The following LMTK3 variants were observed in gnomAD, a reference collection of about 807,000 sequenced individuals.
The protein encoded by LMTK3 is lemur tail kinase 3, also known as serine/threonine-protein kinase LMTK3.
Under a neutral mutation model 116.7 loss-of-function variants are expected in LMTK3, and 27 were observed. The observed-to-expected ratio is 0.23, with a 90% CI of 0.17 to 0.32. The LOEUF is 0.32. Among genes scored for constraint, LMTK3 ranks in the 10% least tolerant of loss-of-function variants. The pLI is 1.00. For synonymous variants in LMTK3, 965 were observed against 971.0 expected (o/e 0.99, Z 0.11); for missense variants, 1,764 against 2,068.5 (o/e 0.85, Z 2.86).
chr19:48,505,233 C>T (rs906470369), intron 5 of LMTK3, among the ~76,000 whole-genome samples: 1 of 149,718 alleles, frequency 6.7e-6, no homozygotes, highest in Non-Finnish European at 1.5e-5. Context: ...CCTGCCTCAT[C>T]CTCCTGAGTA....
At position 48,500,339 on chromosome 19, in the gene LMTK3, G is replaced by A. The variant is rs766413323; in HGVS notation, c.1152-422C>T. On this transcript the variant is annotated intron_variant, in intron 10 of 14. Transcript: ENST00000600059. This position sits in a 1 kb window ranked among gnomAD's most constrained non-coding sequence, Gnocchi z 4.0. ...CCTGGGAGGCTGAGGCAGGAGAACC[G>A]CTTGAACCCGGGAGGCGGAGGTTGC... Among the ~76,000 whole-genome samples, 7 of 152,152 alleles carry A rather than the reference G, an allele frequency of 4.6e-5. No individual in the cohort carries two copies. The highest frequency in any genetic ancestry group is 2.6e-4 in the Admixed American group (4 of 15,276).
At chr19:48,511,346 C>G (rs1008149828) in intron 1 of LMTK3, among the ~76,000 whole-genome samples, 155 bp downstream of exon 1, 2 of 151,566 alleles carry the variant, frequency 1.3e-5, no homozygotes, top group Admixed American at 1.3e-4. Context: ...GCCCTGCTGA[C>G]AGAGGCACCG....
chr19:48,506,270 AAAGT>A lies in LMTK3; in HGVS notation c.557+2577_557+2580del, dbSNP rs200306125. ...GAAGTGAGCCTTGAAAAAAAAAAAA[AAAGT>A]ATTTATTTATCTATTGTGTGTCTTC... On this transcript the variant is annotated intron_variant, in intron 5 of 14. Transcript: ENST00000600059. 7.5e-3 allele frequency among the ~76,000 whole-genome samples: 1,141 copies of A among 152,004 alleles called. 25 individuals carry two copies. The highest frequency in any genetic ancestry group is 3.8e-3 in the Non-Finnish European group (261 of 67,984).
At chr19:48,501,697 T>C in intron 7 of LMTK3, 135 bp from the exon 8 acceptor site, 1 of 876,526 alleles carries the variant, frequency 1.1e-6, no homozygotes, top group Non-Finnish European at 1.8e-6. Flanking sequence ...CTCTGATCTG[T>C]CTCTCCCCTC....
Position 48,493,952 on chromosome 19 carries a change from C to G in LMTK3, c.3834G>C (p.Gly1278=). 9.6e-7 allele frequency: 1 copy of G among 1,041,232 alleles called. No homozygotes were observed. The highest frequency in any genetic ancestry group is 1.7e-5 in the African/African-American group (1 of 58,000). 64.5% of individuals were successfully genotyped at this position (1,041,232 alleles called of 1,614,324 possible). The change falls in exon 12 of 15, where the codon GGG becomes GGC. Residue 1278 remains glycine (G), a synonymous_variant. Transcript: ENST00000600059. The part of the protein sequence containing the change: ...AGAPGPAEED[G]EDEDEDEEED... ...CCTCCTCGTCCTCGTCCTCGTCCTCCCCGTCCTCCTCCGCCGGCCCCGGCG... is the reference window on the plus strand; with the variant it reads ...CCTCCTCGTCCTCGTCCTCGTCCTCGCCGTCCTCCTCCGCCGGCCCCGGCG...
intron 12 of LMTK3, among the ~76,000 whole-genome samples, chr19:48,493,151 C>T (rs1042837562): frequency 6.6e-6 from 1 of 151,510 alleles, no homozygotes; most frequent in Non-Finnish European, 1.5e-5. Context: ...GGCCCGGATC[C>T]AGACTCTGTC....
intron 5 of LMTK3, among the ~76,000 whole-genome samples, chr19:48,503,750 C>CA (rs888896471): frequency 7.9e-5 from 12 of 152,154 alleles, no homozygotes; most frequent in Admixed American, 3.9e-4. Context: ...CCCAAACCTG[C>CA]AGGCCCTTGC....
At chr19:48,505,542 T>G (rs1208704834) in intron 5 of LMTK3, among the ~76,000 whole-genome samples, 1 of 152,012 alleles carries the variant, frequency 6.6e-6, no homozygotes, top group African/African-American at 2.4e-5. Context: ...TGGAGCAGCA[T>G]AGTGAAACTC....
chr19:48,498,974 C>G lies in LMTK3; in HGVS notation c.2095G>C (p.Gly699Arg). The change falls in exon 11 of 15, where the codon GGC (glycine) becomes CGC (arginine). Residue 699 changes from glycine to arginine, a missense_variant. Gly to Arg is a moderately radical substitution (Grantham distance 125). This residue lies in a region of LMTK3 where 1,028 missense variants were observed against 1,050.6 expected (regional missense o/e 0.98). Coordinates refer to ENST00000600059, the MANE Select transcript of LMTK3 (RefSeq NM_001388485.1). ...TCGTCCTCGGGGGGGTGGGGGCAGC[C>G]AAGAGCAGGGTGGCCTCCCCAGCCT... ...VAGWGGHPAL[G>R]CPHPPEDDSS... 3 of 1,357,216 alleles carry G rather than the reference C, an allele frequency of 2.2e-6. No homozygotes were observed. The highest frequency in any genetic ancestry group is 9.5e-7 in the Non-Finnish European group (1 of 1,056,486). The allele number at this position is 1,357,216 out of a possible 1,614,324, so 84.1% of individuals were successfully genotyped here.
chr19:48,498,828 C>T lies in LMTK3; in HGVS notation c.2241G>A (p.Arg747=). The T allele has an allele frequency of 7.9e-7, 1 of 1,268,930 alleles. No individual in the cohort carries two copies. The highest frequency in any genetic ancestry group is 1.0e-6 in the Non-Finnish European group (1 of 988,568). 78.6% of individuals were successfully genotyped at this position (1,268,930 alleles called of 1,614,324 possible). Residue 747 remains arginine, a synonymous_variant, in exon 11 of 15, where the codon CGG becomes CGA. Transcript: ENST00000600059. ...GGGGGGGGGGAGCGGGAGGTGGCCC[C>T]CGCCCGGGGTACTGGGGCGCCGCCG... ...MGAAAPQYPG[R]GPPPAPPPPP... is the part of the protein sequence containing the mutation.
intron 5 of LMTK3, among the ~76,000 whole-genome samples, chr19:48,507,163 G>A (rs1972584114): frequency 1.3e-5 from 2 of 152,316 alleles, no homozygotes; most frequent in African/African-American, 4.8e-5. Context: ...GGGGTGGCTG[G>A]TGTAGAAGGA....
Position 48,499,800 on chromosome 19 carries a change from T to TG in LMTK3, c.1268dup (p.Pro424ThrfsTer49). 1 of 430,032 alleles carries TG rather than the reference T, an allele frequency of 2.3e-6. No individual in the cohort carries two copies. The highest frequency in any genetic ancestry group is 3.2e-6 in the Non-Finnish European group (1 of 310,644). The allele number at this position is 430,032 out of a possible 1,614,324, so 26.6% of individuals were successfully genotyped here. On this transcript the variant is annotated frameshift_variant, in exon 11 of 15. Transcript: ENST00000600059. LOFTEE classifies it high-confidence loss of function. ...GGAAGGGACCGTCTCGGGGTGGGGG[T>TG]GGCGGCGGTGGGGGCCGGGGAGGCC...
At chr19:48,492,356 T>C (rs1027178636) in intron 12 of LMTK3, among the ~76,000 whole-genome samples, 1 of 152,122 alleles carries the variant, frequency 6.6e-6, no homozygotes, top group African/African-American at 2.4e-5. Context: ...ACCAAGATAA[T>C]TTTTTTCTTT....
chr19:48,497,546 CG>C lies in LMTK3; in HGVS notation c.3522del (p.Glu1175ArgfsTer141). 4 of 1,377,360 alleles carry C rather than the reference CG, an allele frequency of 2.9e-6. No individual in the cohort carries two copies. Among genetic ancestry groups the C allele is most frequent in the Non-Finnish European group, 2.8e-6 (3 of 1,061,790 alleles). 85.3% of individuals were successfully genotyped at this position (1,377,360 alleles called of 1,614,324 possible). On this transcript the variant is annotated frameshift_variant, in exon 11 of 15. Transcript: ENST00000600059. LOFTEE classifies it high-confidence loss of function. This position sits in a 1 kb window ranked among gnomAD's most constrained non-coding sequence, Gnocchi z 5.7. ...CTGTCTGGGGCCCCGGGCTCTCCCT[CG>C]GGGGCCACCTCCGGCCTGGCTCTCG... ...APPRARPEVA[P>X]EGEPGAPDSR...
In LMTK3 at chr19:48,500,087, AG is replaced by A. The variant is rs1569104493; in HGVS notation, c.1152-171del. On this transcript the variant is annotated intron_variant, in intron 10 of 14. Transcript: ENST00000600059. The surrounding 1 kb of genome is among the most constrained non-coding windows in gnomAD (Gnocchi z 4.0). ...GAGGGGGACAGAGACCCAGAGACAG[AG>A]GGACAGAGATCCAGAGACAGAGGGA... Among the ~76,000 whole-genome samples the A allele has an allele frequency of 6.6e-6, 1 of 150,782 alleles. No homozygotes were observed. The highest frequency in any genetic ancestry group is 1.5e-5 in the Non-Finnish European group (1 of 67,726).
chr19:48,505,533 G>A (rs1181950394), intron 5 of LMTK3, among the ~76,000 whole-genome samples: 1 of 151,952 alleles, frequency 6.6e-6, no homozygotes, highest in Non-Finnish European at 1.5e-5. Context: ...GAGACCAGCT[G>A]GAGCAGCATA....
chr19:48,497,233 A>C lies in LMTK3; in HGVS notation c.3676+160T>G, dbSNP rs1972343314. ...GACATTTGCCCAAGGCCAAAGAGCTAGAGAGGGGGCTGAGCCACGATGTGA... is the reference window on the plus strand; with the variant it reads ...GACATTTGCCCAAGGCCAAAGAGCTCGAGAGGGGGCTGAGCCACGATGTGA... On this transcript the variant is annotated intron_variant, in intron 11 of 14. Coordinates refer to ENST00000600059, the MANE Select transcript of LMTK3 (RefSeq NM_001388485.1). This position sits in a 1 kb window ranked among gnomAD's most constrained non-coding sequence, Gnocchi z 5.7. 6.6e-6 allele frequency among the ~76,000 whole-genome samples: 1 copy of C among 152,220 alleles called. No homozygotes were observed. The highest frequency in any genetic ancestry group is 1.5e-5 in the Non-Finnish European group (1 of 68,034).
At chr19:48,485,845 G>A in intron 14 of LMTK3, 56 bp from the exon 15 acceptor site, 6 of 1,553,408 alleles carry the variant, frequency 3.9e-6, no homozygotes, top group Non-Finnish European at 5.2e-6. Context: ...CAGCCTCATG[G>A]CTTCTAGGTC....
intron 5 of LMTK3, among the ~76,000 whole-genome samples, 187 bp downstream of exon 5, chr19:48,508,664 A>G (rs907855216): frequency 1.3e-5 from 2 of 152,094 alleles, no homozygotes; most frequent in African/African-American, 4.8e-5. Flanking sequence ...CTCCTCCACC[A>G]TCCTGCCTCT....
Sources: gnomAD v4.1 joint callset for allele counts (sites outside exome capture counted in the v4.1 genomes callset) on GRCh38, gnomAD v4.1.1 for gene constraint, gnomAD v4.1.1 regional missense constraint, Gnocchi (gnomAD v3.1) non-coding constraint, MANE v1.5 for transcripts, NCBI Gene and HGNC (gene_info 2026-07-23, HGNC 2026-07-21) for gene names.